The following TRPS1 variants were observed in gnomAD, a reference collection of about 807,000 sequenced individuals.
TRPS1 encodes the protein transcriptional repressor GATA binding 1.
In TRPS1, 6 loss-of-function variants were observed where a neutral mutation model predicts 101.2. That is an observed-to-expected ratio of 0.06 (90% CI 0.03 to 0.12). The LOEUF (loss-of-function observed/expected upper bound fraction) is 0.12, where lower values mean the gene tolerates loss of function less well. Among genes scored for constraint, TRPS1 ranks in the 10% least tolerant of loss-of-function variants. TRPS1 has a pLI of 1.00. For missense variants in TRPS1, 1,363 were observed against 1,567.0 expected, an observed-to-expected ratio of 0.87 and a Z score of 2.20; for synonymous variants, 578 against 589.8, an observed-to-expected ratio of 0.98 and a Z score of 0.29.
intron 1 of TRPS1, among the ~76,000 whole-genome samples, chr8:115,642,741 C>A (rs991409785): frequency 5.3e-5 from 8 of 151,434 alleles, no homozygotes; most frequent in African/African-American, 1.9e-4. Context: ...GATAATCTAA[C>A]CCCAGCAAAA....
At chr8:115,536,395 C>A (rs1816320903) in intron 5 of TRPS1, among the ~76,000 whole-genome samples, 1 of 151,646 alleles carries the variant, frequency 6.6e-6, no homozygotes. Flanking sequence ...TGGTGGCGGG[C>A]GCCTGTAGTC....
intron 5 of TRPS1, among the ~76,000 whole-genome samples, chr8:115,492,548 G>A (rs1252334292): frequency 6.6e-6 from 1 of 151,876 alleles, no homozygotes; most frequent in East Asian, 1.9e-4. Flanking sequence ...ACTCTATGGG[G>A]TGGGTGCTAT....
chr8:115,625,993 C>T (rs191040198), intron 1 of TRPS1, among the ~76,000 whole-genome samples: 4 of 151,892 alleles, frequency 2.6e-5, no homozygotes, highest in South Asian at 2.1e-4. Context: ...CGATGGTCTT[C>T]GCCTTAAAAA....
intron 5 of TRPS1, among the ~76,000 whole-genome samples, chr8:115,567,146 TA>T (rs869049615): frequency 1.3e-5 from 1 of 75,340 alleles, no homozygotes; most frequent in African/African-American, 1.2e-4. Context: ...ATCCAAGATA[TA>T]CTTGTTCCAG....
At chr8:115,643,578 T>C (rs528286105) in intron 1 of TRPS1, among the ~76,000 whole-genome samples, 1 of 152,308 alleles carries the variant, frequency 6.6e-6, no homozygotes, top group South Asian at 2.1e-4. Flanking sequence ...TAATTCTAGT[T>C]CTCTTGCTAT....
rs1812721611 is a variant in TRPS1, at chr8:115,409,065, AC to A, written c.*4957del. On this transcript the variant is annotated 3_prime_UTR_variant, in exon 7 of 7. Coordinates refer to ENST00000395715, the MANE Select transcript of TRPS1 (RefSeq NM_014112.5). ...CCTTTGGGAACTGACAGTTTAAATA[AC>A]CCCCTTGGCCACATAATAATACTTG... is the stretch of plus-strand genomic sequence containing the variant. 1 of 151,578 alleles carries A rather than the reference AC, an allele frequency of 6.6e-6. No individual in the cohort carries two copies. The highest frequency in any genetic ancestry group is 1.5e-5 in the Non-Finnish European group (1 of 67,850). The allele number at this position is 151,578 out of a possible 1,614,324, so 9.4% of individuals were successfully genotyped here.
rs1331211440 is a variant in TRPS1 at position 115,415,000 on chromosome 8, C to T, written c.2908G>A (p.Ala970Thr). Reference protein sequence around the residue: ...RRTRKRLNPEALQAEQLNKQQ... With the variant: ...RRTRKRLNPETLQAEQLNKQQ... ...TTGTTGAGCTGCTCAGCCTGAAGTG[C>T]CTCTGGGTTAAGGCGCTTTCTTGTT... is the stretch of plus-strand genomic sequence containing the variant. Residue 970 changes from alanine (A) to threonine (T), a missense_variant, in exon 7 of 7, where the codon GCA becomes ACA. Physicochemically the swap from Ala to Thr is moderately conservative, Grantham distance 58. Transcript: ENST00000395715. The surrounding 1 kb of genome is among the most constrained non-coding windows in gnomAD (Gnocchi z 4.8). 1.3e-6 allele frequency: 2 copies of T among 1,576,386 alleles called. No homozygotes were observed. The highest frequency in any genetic ancestry group is 1.7e-6 in the Non-Finnish European group (2 of 1,166,934).
At chr8:115,441,896 A>C (rs7813258) in intron 5 of TRPS1, among the ~76,000 whole-genome samples, 6 of 133,258 alleles carry the variant, frequency 4.5e-5, no homozygotes, top group Admixed American at 4.4e-4. Context: ...AGAGAGAGAG[A>C]GAGTGTGTGT....
chr8:115,495,478 A>T (rs1382295168), intron 5 of TRPS1, among the ~76,000 whole-genome samples: 1 of 148,712 alleles, frequency 6.7e-6, no homozygotes, highest in Non-Finnish European at 1.5e-5. Flanking sequence ...ATATATATAT[A>T]TTTAAATTAT....
intron 6 of TRPS1, among the ~76,000 whole-genome samples, chr8:115,415,968 T>C (rs1812909438): frequency 6.6e-6 from 1 of 152,104 alleles, no homozygotes; most frequent in Non-Finnish European, 1.5e-5. Context: ...AGATATCAGG[T>C]CATCAAAGCA....
intron 4 of TRPS1, among the ~76,000 whole-genome samples, chr8:115,602,262 T>C (rs4876609): frequency 0.046 from 7,014 of 152,258 alleles, 217 homozygotes; most frequent in Middle Eastern, 0.078. Flanking sequence ...AAAAAAGTTG[T>C]CCTTGTCCTT....
At chr8:115,417,969 AT>A (rs1812962610) in intron 6 of TRPS1, among the ~76,000 whole-genome samples, 1 of 152,076 alleles carries the variant, frequency 6.6e-6, no homozygotes, top group Non-Finnish European at 1.5e-5. Context: ...GTCCTTTTTC[AT>A]TTTTTAAAAC....
At chr8:115,501,215 A>C (rs1306307155) in intron 5 of TRPS1, among the ~76,000 whole-genome samples, 1 of 152,194 alleles carries the variant, frequency 6.6e-6, no homozygotes, top group Admixed American at 6.5e-5. Context: ...TGTTTGGTTT[A>C]CTACGTATTC....
At chr8:115,562,895 T>C (rs1465158847) in intron 5 of TRPS1, among the ~76,000 whole-genome samples, 1 of 150,822 alleles carries the variant, frequency 6.6e-6, no homozygotes, top group East Asian at 2.0e-4. Flanking sequence ...TGTGTGTGTG[T>C]GTGTGTGTGT....
chr8:115,519,225 G>C (rs2130219848), intron 5 of TRPS1, among the ~76,000 whole-genome samples: 1 of 151,808 alleles, frequency 6.6e-6, no homozygotes, highest in Non-Finnish European at 1.5e-5. Context: ...TGACATTTTA[G>C]TTATAAAGGC....
At chr8:115,422,313 T>C (rs899377717) in intron 5 of TRPS1, among the ~76,000 whole-genome samples, 1 of 152,154 alleles carries the variant, frequency 6.6e-6, no homozygotes, top group Non-Finnish European at 1.5e-5. Context: ...GCAGAGATGG[T>C]TGATGATATA....
intron 5 of TRPS1, among the ~76,000 whole-genome samples, chr8:115,582,861 C>T (rs1449792779): frequency 1.3e-5 from 2 of 152,158 alleles, no homozygotes; most frequent in African/African-American, 2.4e-5. Context: ...GAAAAAAGTG[C>T]TCTAATAACT....
At chr8:115,616,064 T>C (rs554892594) in intron 3 of TRPS1, among the ~76,000 whole-genome samples, 3 of 151,938 alleles carry the variant, frequency 2.0e-5, no homozygotes, top group Non-Finnish European at 4.4e-5. Context: ...GTCTTCTGCT[T>C]TTAGGACTGG....
At chr8:115,512,525 G>GTT (rs941567966) in intron 5 of TRPS1, among the ~76,000 whole-genome samples, 1 of 149,982 alleles carries the variant, frequency 6.7e-6, no homozygotes, top group Non-Finnish European at 1.5e-5. Flanking sequence ...ATGCTTCATG[G>GTT]TTTTTTTTTG....
Sources: gnomAD v4.1 joint callset for allele counts (sites outside exome capture counted in the v4.1 genomes callset) on GRCh38, gnomAD v4.1.1 for gene constraint, Gnocchi (gnomAD v3.1) non-coding constraint, MANE v1.5 for transcripts, NCBI Gene and HGNC (gene_info 2026-07-23, HGNC 2026-07-21) for gene names.